RBFOX1: variants seen among roughly 807,000 people sequenced by gnomAD.
RBFOX1 encodes RNA binding protein fox-1 homolog 1.
RBFOX1 carries 8 observed loss-of-function variants against 57.7 expected under a neutral mutation model. That is an observed-to-expected ratio of 0.14 (90% CI 0.08 to 0.25). The LOEUF is 0.25. RBFOX1 is among the 10% of genes least tolerant of loss of function. The pLI is 1.00. For synonymous variants in RBFOX1, 326 were observed against 222.4 expected (o/e 1.47, Z -4.15); for missense variants, 611 against 548.5 (o/e 1.11, Z -1.14).
chr16:7,596,416 T>C (rs990869056), intron 8 of RBFOX1, among the ~76,000 whole-genome samples: 6 of 152,016 alleles, frequency 3.9e-5, no homozygotes, highest in African/African-American at 1.4e-4. Context: ...GAGTAAGATG[T>C]TGCATATTTT....
rs1292832822 is a variant in RBFOX1, at chr16:6,810,824, G to C, written c.-16+156174G>C. Among the ~76,000 whole-genome samples the C allele has an allele frequency of 2.6e-5, 4 of 152,260 alleles. No homozygotes were observed. The South Asian group carries it at 6.2e-4, about 24-fold the overall frequency. ...GAAGTCACTCACTATCAGGAGAACAGTGTGCCGGGAAAGGTCGCCATGATC... is the reference window on the plus strand; with the variant it reads ...GAAGTCACTCACTATCAGGAGAACACTGTGCCGGGAAAGGTCGCCATGATC... On this transcript the variant is annotated intron_variant, in intron 3 of 15. Transcript: ENST00000550418.
intron 3 of RBFOX1, chr16:6,775,671 C>G (rs1293885638): frequency 6.6e-6 from 1 of 152,158 alleles, no homozygotes; most frequent in African/African-American, 2.4e-5. Context: ...GAGCTTCGGT[C>G]AAACATCCCT....
At chr16:5,492,958 A>G (rs1021185299) in intron 2 of RBFOX1, among the ~76,000 whole-genome samples, 14 of 152,222 alleles carry the variant, frequency 9.2e-5, no homozygotes, top group Admixed American at 4.6e-4. Context: ...CTACACCAAG[A>G]TTTGGCAAAC....
chr16:6,715,195 G>A (rs569404318), intron 3 of RBFOX1, among the ~76,000 whole-genome samples: 3 of 151,980 alleles, frequency 2.0e-5, no homozygotes, highest in Non-Finnish European at 2.9e-5. Flanking sequence ...GAATTTAAGG[G>A]CTAAACCTTA....
At chr16:5,335,359 A>C (rs1007125153) in intron 1 of RBFOX1, among the ~76,000 whole-genome samples, 3 of 152,086 alleles carry the variant, frequency 2.0e-5, no homozygotes, top group Admixed American at 2.0e-4. Flanking sequence ...AAGGTGCCTG[A>C]AGCTTTTAGG....
At chr16:5,917,081 C>G (rs545773072) in intron 4 of RBFOX1, among the ~76,000 whole-genome samples, 1 of 152,240 alleles carries the variant, frequency 6.6e-6, no homozygotes, top group South Asian at 2.1e-4. Context: ...CGTGGCCCCA[C>G]TTGAACCTGC....
intron 4 of RBFOX1, among the ~76,000 whole-genome samples, chr16:7,374,377 C>A (rs558265026): frequency 1.3e-5 from 2 of 152,290 alleles, no homozygotes; most frequent in East Asian, 3.9e-4. Flanking sequence ...CTACAGCATT[C>A]CCCTCAAATG....
intron 4 of RBFOX1, among the ~76,000 whole-genome samples, chr16:7,139,851 A>G (rs901591836): frequency 6.6e-6 from 1 of 152,066 alleles, no homozygotes. Flanking sequence ...GGAATGAGGA[A>G]TTGAGGAGGA....
chr16:7,104,359 T>C (rs1447316951), intron 4 of RBFOX1, among the ~76,000 whole-genome samples: 2 of 152,150 alleles, frequency 1.3e-5, no homozygotes, highest in African/African-American at 4.8e-5. Context: ...CTTGAACATC[T>C]ACTTAATCAG....
intron 1 of RBFOX1, among the ~76,000 whole-genome samples, chr16:6,194,642 G>A (rs987819053): frequency 1.1e-4 from 16 of 152,112 alleles, no homozygotes; most frequent in African/African-American, 3.9e-4. Context: ...CCTTCCTCCA[G>A]GCATTCTTTC....
At chr16:5,561,199 G>A (rs2045878565) in intron 2 of RBFOX1, among the ~76,000 whole-genome samples, 1 of 151,974 alleles carries the variant, frequency 6.6e-6, no homozygotes, top group East Asian at 1.9e-4. Context: ...AGGGGGTCTT[G>A]CACATTAATA....
intron 9 of RBFOX1, among the ~76,000 whole-genome samples, chr16:7,597,832 G>T (rs890090503): frequency 6.6e-6 from 1 of 152,194 alleles, no homozygotes; most frequent in African/African-American, 2.4e-5. Context: ...AATTTATTCT[G>T]TCTTTGAGTC....
intron 1 of RBFOX1, among the ~76,000 whole-genome samples, chr16:6,076,612 C>G (rs1405690591): frequency 6.6e-6 from 1 of 150,692 alleles, no homozygotes; most frequent in Non-Finnish European, 1.5e-5. Flanking sequence ...TTTTAAGAGC[C>G]TTAGGACTCT....
intron 3 of RBFOX1, among the ~76,000 whole-genome samples, chr16:5,661,192 T>G (rs1276373765): frequency 1.3e-5 from 2 of 152,216 alleles, no homozygotes; most frequent in Admixed American, 1.3e-4. Context: ...CTTTAATTAT[T>G]TTCCCAACTT....
At chr16:6,133,463 C>T (rs533543321) in intron 1 of RBFOX1, among the ~76,000 whole-genome samples, 4 of 152,328 alleles carry the variant, frequency 2.6e-5, no homozygotes, top group African/African-American at 7.2e-5. Flanking sequence ...TGGGATGGCA[C>T]CATGCCCAGT....
intron 2 of RBFOX1, among the ~76,000 whole-genome samples, chr16:6,647,474 C>T (rs1255901447): frequency 6.6e-6 from 1 of 152,108 alleles, no homozygotes; most frequent in Admixed American, 6.6e-5. Context: ...TCTTGAGCCC[C>T]TGCCCTCAAG....
intron 11 of RBFOX1, among the ~76,000 whole-genome samples, chr16:7,645,887 C>A (rs564040877): frequency 6.6e-6 from 1 of 151,546 alleles, no homozygotes; most frequent in East Asian, 1.9e-4. Context: ...ATTAAGTGGC[C>A]GTTTTGGTCT....
intron 3 of RBFOX1, among the ~76,000 whole-genome samples, chr16:6,749,579 CCTT>C (rs2074498841): frequency 6.6e-6 from 1 of 152,154 alleles, no homozygotes. Flanking sequence ...TTTCAAAGCT[CCTT>C]CTCTTTTCAT....
intron 4 of RBFOX1, among the ~76,000 whole-genome samples, chr16:7,281,394 C>G (rs986424105): frequency 6.6e-6 from 1 of 151,768 alleles, no homozygotes; most frequent in Non-Finnish European, 1.5e-5. Context: ...TGTATGAGAG[C>G]CAGGTGACTT....
Sources: gnomAD v4.1 joint callset for allele counts (sites outside exome capture counted in the v4.1 genomes callset) on GRCh38, gnomAD v4.1.1 for gene constraint, MANE v1.5 for transcripts, NCBI Gene and HGNC (gene_info 2026-07-23, HGNC 2026-07-21) for gene names.